OXNAD1: variants seen among roughly 807,000 people sequenced by gnomAD.
OXNAD1 encodes oxidoreductase NAD binding domain containing 1, also known as oxidoreductase NAD-binding domain-containing protein 1.
In OXNAD1, 34 loss-of-function variants were observed where a neutral mutation model predicts 32.9. That is an observed-to-expected ratio of 1.03 (90% confidence interval 0.79 to 1.38). The LOEUF is 1.38. Ranked by LOEUF, OXNAD1 falls within the 40% of genes most tolerant of loss-of-function variation. The pLI is 0.00. For missense variants in OXNAD1, 407 were observed against 379.4 expected (o/e 1.07, Z -0.60); for synonymous variants, 134 against 135.2 (o/e 0.99, Z 0.06).
chr3:16,286,230 T>G (rs1489537468), intron 4 of OXNAD1, 112 bp from the exon 5 acceptor site: 27 of 815,064 alleles, frequency 3.3e-5, no homozygotes, highest in Non-Finnish European at 5.2e-5. Context: ...TTGGCAATTT[T>G]CAAAAACCAC....
At position 16,270,930 on chromosome 3, in the gene OXNAD1, T is replaced by A. The variant is rs2064880432; in HGVS notation, c.-8-15T>A. ...TAAAAAAACAATTTGAAATTTCAGT[T>A]TTCTGTTTGCCCAGAAAGCGCCATG... On this transcript the variant is annotated splice_polypyrimidine_tract_variant and intron_variant, in intron 2 of 8. Transcript: ENST00000285083. 3 of 1,613,606 alleles carry A rather than the reference T, an allele frequency of 1.9e-6. No homozygotes were observed. Among genetic ancestry groups the A allele is most frequent in the East Asian group, 2.2e-5 (1 of 44,892 alleles).
rs2066245799 is a variant in OXNAD1 at position 16,288,864 on chromosome 3, T to C, written c.290+2416T>C. On this transcript the variant is annotated intron_variant, in intron 5 of 8. Transcript: ENST00000285083. This position sits in a 1 kb window ranked among gnomAD's most constrained non-coding sequence, Gnocchi z 5.1. Reference sequence around the variant, plus strand: ...CATGCCACCACTGGTCCTCACACAGTGTGCAGCTGCCCTGAGTTTCTAGAT... The same window carrying C: ...CATGCCACCACTGGTCCTCACACAGCGTGCAGCTGCCCTGAGTTTCTAGAT... Among the ~76,000 whole-genome samples, 1 of 152,196 alleles carries C rather than the reference T, an allele frequency of 6.6e-6. No homozygotes were observed. The highest frequency in any genetic ancestry group is 2.4e-5 in the African/African-American group (1 of 41,448).
chr3:16,324,057 C>T lies in OXNAD1; in HGVS notation c.*31-13055C>T, dbSNP rs1353067127. On this transcript the variant is annotated intron_variant, in intron 9 of 9. Coordinates refer to the OXNAD1 transcript ENST00000435829. ...ATTCTCTCTTCCCAGGAAGGCAGGA[C>T]CTGGAGCTGCCTCTAAAGATGATAG... 2.6e-5 allele frequency among the ~76,000 whole-genome samples: 4 copies of T among 152,302 alleles called. No homozygotes were observed. In the East Asian group the frequency reaches 5.8e-4, roughly 22 times the overall value.
rs573825966 is a variant in OXNAD1 at position 16,280,082 on chromosome 3, G to C, written c.184-6260G>C. Among the ~76,000 whole-genome samples, 22 of 152,310 alleles carry C rather than the reference G, an allele frequency of 1.4e-4. No homozygotes were observed. Among genetic ancestry groups the C allele is most frequent in the African/African-American group, 5.1e-4 (21 of 41,572 alleles). ...GGGATATAATAATATTGGCTTTCTA[G>C]AGTTGTGAAGACTGAGTGAATCAAT... On this transcript the variant is annotated intron_variant, in intron 4 of 8. Transcript: ENST00000285083. The surrounding 1 kb of genome is among the most constrained non-coding windows in gnomAD (Gnocchi z 4.5).
rs749665103 is a variant in OXNAD1 at position 16,317,652 on chromosome 3, G to A, written c.*30+14060G>A. On this transcript the variant is annotated intron_variant, in intron 9 of 9. Coordinates refer to the OXNAD1 transcript ENST00000435829. The surrounding 1 kb of genome is among the most constrained non-coding windows in gnomAD (Gnocchi z 4.3). Reference sequence around the variant, plus strand: ...GAGCAGGCTGAGGATTACCAGGCACGGGGCTGGCATTCTCTCACTAGGTCA... The same window carrying A: ...GAGCAGGCTGAGGATTACCAGGCACAGGGCTGGCATTCTCTCACTAGGTCA... Among the ~76,000 whole-genome samples the A allele has an allele frequency of 2.4e-4, 37 of 152,254 alleles. No homozygotes were observed. The highest frequency in any genetic ancestry group is 3.7e-4 in the Non-Finnish European group (25 of 68,016).
chr3:16,303,463 C>T lies in OXNAD1; in HGVS notation c.840C>T (p.Phe280=). Residue 280 remains phenylalanine (F), a synonymous_variant, in exon 9 of 9, where the codon TTC becomes TTT. Coordinates refer to ENST00000285083, the MANE Select transcript of OXNAD1 (RefSeq NM_138381.5). This position sits in a 1 kb window ranked among gnomAD's most constrained non-coding sequence, Gnocchi z 4.8. The part of the protein sequence containing the change: ...IRDHISKETL[F]YICGPPPMTD... ...ATCATATTTCAAAAGAGACTTTGTT[C>T]TATATTTGTGGCCCACCTCCAATGA... 2 of 1,614,010 alleles carry T rather than the reference C, an allele frequency of 1.2e-6. No homozygotes were observed. Among genetic ancestry groups the T allele is most frequent in the Non-Finnish European group, 1.7e-6 (2 of 1,179,918 alleles).
rs1238081787 is a variant in OXNAD1, at chr3:16,301,924, T to C, written c.675+56T>C. 10 of 1,558,894 alleles carry C rather than the reference T, an allele frequency of 6.4e-6. No homozygotes were observed. The highest frequency in any genetic ancestry group is 1.4e-5 in the African/African-American group (1 of 72,870). ...CTTGTGTAGTGGTATTAATTGTTCA[T>C]GAAAGTTTTTTCTCTAGGTTTTGTT... On this transcript the variant is annotated intron_variant, in intron 7 of 8. Coordinates refer to ENST00000285083, the MANE Select transcript of OXNAD1 (RefSeq NM_138381.5). This position sits in a 1 kb window ranked among gnomAD's most constrained non-coding sequence, Gnocchi z 4.1.
intron 1 of OXNAD1, 32 bp from the exon 2 acceptor site, chr3:16,269,094 A>T (rs2064755797): frequency 1.4e-6 from 2 of 1,419,648 alleles, no homozygotes; most frequent in East Asian, 5.3e-5. Flanking sequence ...AGTTCCCCAA[A>T]ACATTGTTAT....
intron 4 of OXNAD1, among the ~76,000 whole-genome samples, chr3:16,282,820 C>CTTTTTTT (rs11379565): frequency 2.8e-5 from 2 of 72,012 alleles, no homozygotes; most frequent in Non-Finnish European, 2.5e-5. Flanking sequence ...GGACTTTCAG[C>CTTTTTTT]TTTTTTTTTT....
At chr3:16,313,229 G>A (rs1353780923) in intron 9 of OXNAD1, among the ~76,000 whole-genome samples, 3 of 84,656 alleles carry the variant, frequency 3.5e-5, no homozygotes, top group African/African-American at 2.6e-4. Flanking sequence ...TTTTTGCAGA[G>A]GCAAGTTCTT....
Position 16,302,752 on chromosome 3 carries a change from A to G in OXNAD1, c.784+4A>G, listed in dbSNP as rs2067278568. The G allele has an allele frequency of 6.3e-7, 1 of 1,593,296 alleles. No individual in the cohort carries two copies. The highest frequency in any genetic ancestry group is 1.1e-5 in the South Asian group (1 of 90,222). On this transcript the variant is annotated splice_donor_region_variant and intron_variant, in intron 8 of 8. Coordinates refer to ENST00000285083, the MANE Select transcript of OXNAD1 (RefSeq NM_138381.5). This position sits in a 1 kb window ranked among gnomAD's most constrained non-coding sequence, Gnocchi z 4.2. ...GAACTCAAGCCATACATCACGGGTG[A>G]GTCCCCTAAAGATATTTTGACTATC...
intron 1 of OXNAD1, among the ~76,000 whole-genome samples, chr3:16,268,410 A>G (rs2064703712): frequency 7.7e-6 from 1 of 129,668 alleles, no homozygotes; most frequent in African/African-American, 2.8e-5. Flanking sequence ...GCCCACTGCA[A>G]CCTCCGCCTC....
intron 9 of OXNAD1, among the ~76,000 whole-genome samples, chr3:16,330,088 C>T (rs958972021): frequency 6.6e-6 from 1 of 152,142 alleles, no homozygotes; most frequent in Non-Finnish European, 1.5e-5. Context: ...GAGATGTCAG[C>T]CAGAGGGTAC....
At chr3:16,276,759 T>C (rs1432064463) in intron 4 of OXNAD1, 5 of 152,036 alleles carry the variant, frequency 3.3e-5, no homozygotes, top group African/African-American at 1.2e-4. Flanking sequence ...CTTTTGGGGG[T>C]TATTTTGAGC....
At chr3:16,266,939 G>A (rs1661853616) in intron 1 of OXNAD1, among the ~76,000 whole-genome samples, 1 of 152,184 alleles carries the variant, frequency 6.6e-6, no homozygotes, top group Admixed American at 6.5e-5. Flanking sequence ...GCTGATTTCC[G>A]GTCAAATACT....
At chr3:16,281,226 G>A (rs1336176260) in intron 4 of OXNAD1, among the ~76,000 whole-genome samples, 1 of 152,128 alleles carries the variant, frequency 6.6e-6, no homozygotes, top group Non-Finnish European at 1.5e-5. Context: ...ATAGTAACAG[G>A]GAAGCATGTC....
intron 5 of OXNAD1, among the ~76,000 whole-genome samples, chr3:16,293,367 G>C (rs946837404): frequency 8.5e-5 from 13 of 152,078 alleles, no homozygotes; most frequent in Admixed American, 2.0e-4. Context: ...TTTGTCTGTT[G>C]ATCTTGTATC....
intron 9 of OXNAD1, among the ~76,000 whole-genome samples, chr3:16,324,306 C>T (rs1194347451): frequency 1.3e-5 from 2 of 152,264 alleles, no homozygotes; most frequent in East Asian, 1.9e-4. Flanking sequence ...AAAAGCTACT[C>T]TTTTAGGAAC....
At chr3:16,272,047 A>G (rs2064976628) in intron 4 of OXNAD1, 4 of 472,372 alleles carry the variant, frequency 8.5e-6, no homozygotes, top group Non-Finnish European at 1.6e-5. Context: ...TAAAGCCTAC[A>G]TTTTATGAAT....
Sources: gnomAD v4.1 joint callset for allele counts (sites outside exome capture counted in the v4.1 genomes callset) on GRCh38, gnomAD v4.1.1 for gene constraint, Gnocchi (gnomAD v3.1) non-coding constraint, MANE v1.5 for transcripts, NCBI Gene and HGNC (gene_info 2026-07-23, HGNC 2026-07-21) for gene names.